C2orf80: variants seen among roughly 807,000 people sequenced by gnomAD.
C2orf80 encodes the protein chromosome 2 open reading frame 80.
C2orf80 carries 28 observed loss-of-function variants against 30.2 expected under a neutral mutation model. That is an observed-to-expected ratio of 0.93 (90% CI 0.69 to 1.27). The LOEUF is 1.27. Ranked by LOEUF, C2orf80 falls within the 50% of genes most tolerant of loss-of-function variation. C2orf80 has a pLI of 0.00. For missense variants in C2orf80, 220 were observed against 231.0 expected (o/e 0.95, Z 0.31); for synonymous variants, 80 against 76.4 (o/e 1.05, Z -0.24).
At chr2:208,180,680 C>T in intron 6 of C2orf80, 65 bp downstream of exon 6, 3 of 1,226,482 alleles carry the variant, frequency 2.4e-6, no homozygotes, top group Non-Finnish European at 3.5e-6. Context: ...CAACATTATA[C>T]ATTTATACAC....
At chr2:208,167,314 G>C (rs913967635) in intron 8 of C2orf80, among the ~76,000 whole-genome samples, 3 of 151,858 alleles carry the variant, frequency 2.0e-5, no homozygotes, top group African/African-American at 7.2e-5. Context: ...ACGAGGTCAG[G>C]AGTTCAAGAC....
intron 6 of C2orf80, among the ~76,000 whole-genome samples, chr2:208,172,696 C>T (rs1019794247): frequency 3.3e-5 from 5 of 152,148 alleles, no homozygotes; most frequent in African/African-American, 1.2e-4. Context: ...ATTGGTACAA[C>T]CATTTTGGAA....
intron 3 of C2orf80, among the ~76,000 whole-genome samples, chr2:208,183,412 T>C (rs12995271): frequency 0.27 from 41,236 of 151,936 alleles, 6,062 homozygotes; most frequent in African/African-American, 0.38. Flanking sequence ...CACGGAATAT[T>C]CTTAGGTGAG....
At chr2:208,173,604 G>A (rs1379058828) in intron 6 of C2orf80, among the ~76,000 whole-genome samples, 5 of 141,498 alleles carry the variant, frequency 3.5e-5, no homozygotes, top group African/African-American at 1.1e-4. Flanking sequence ...CAGCCTGGGC[G>A]AGAGAGCGAG....
chr2:208,188,986 T>C (rs1268669766), intron 1 of C2orf80, among the ~76,000 whole-genome samples: 1 of 152,202 alleles, frequency 6.6e-6, no homozygotes, highest in African/African-American at 2.4e-5. Context: ...CACTCATTGA[T>C]GTGGCTGTGC....
chr2:208,181,843 G>A (rs1696573170), intron 4 of C2orf80, among the ~76,000 whole-genome samples: 1 of 152,076 alleles, frequency 6.6e-6, no homozygotes, highest in Non-Finnish European at 1.5e-5. Flanking sequence ...ATAATGAAAT[G>A]GGCTGAAACT....
At chr2:208,180,077 A>T (rs1696505793) in intron 6 of C2orf80, among the ~76,000 whole-genome samples, 1 of 152,180 alleles carries the variant, frequency 6.6e-6, no homozygotes, top group Admixed American at 6.5e-5. Context: ...TCTAGAAGAT[A>T]TAGTACATCA....
chr2:208,171,997 G>C lies in C2orf80; in HGVS notation c.445C>G (p.Arg149Gly). Residue 149 changes from arginine (R) to glycine (G), a missense_variant, in exon 7 of 9, where the codon CGC becomes GGC. Coordinates refer to ENST00000341287, the MANE Select transcript of C2orf80 (RefSeq NM_001099334.3). ...AAGTAACCAGGCTTACTCTGTTTGC[G>C]GGCGTATGCTGCTGCTTTGGGTGCT... is the stretch of plus-strand genomic sequence containing the variant. Reference protein sequence around the residue: ...LTAPKAAAYARKQSVKSRKVT... With the variant: ...LTAPKAAAYAGKQSVKSRKVT... 1.2e-6 allele frequency: 2 copies of C among 1,613,516 alleles called. No homozygotes were observed. The highest frequency in any genetic ancestry group is 1.7e-6 in the Non-Finnish European group (2 of 1,179,490).
At position 208,172,944 on chromosome 2, in the gene C2orf80, C is replaced by T. The variant is rs1032462527; in HGVS notation, c.367-869G>A. ...CCAGCCTGGCCAACATGGCAAAACC[C>T]CGCCTCTACTAAAAATACAAAAAAA... On this transcript the variant is annotated intron_variant, in intron 6 of 8. Coordinates refer to ENST00000341287, the MANE Select transcript of C2orf80 (RefSeq NM_001099334.3). Among the ~76,000 whole-genome samples the T allele has an allele frequency of 3.3e-5, 5 of 151,812 alleles. No homozygotes were observed. The East Asian group carries it at 5.8e-4, about 18-fold the overall frequency.
chr2:208,183,748 G>A (rs1432826262), intron 3 of C2orf80, among the ~76,000 whole-genome samples: 1 of 152,134 alleles, frequency 6.6e-6, no homozygotes, highest in Non-Finnish European at 1.5e-5. Flanking sequence ...GGCGGGGAAG[G>A]GGGCAGACCT....
At chr2:208,185,725 A>C (rs1696699584) in intron 2 of C2orf80, among the ~76,000 whole-genome samples, 1 of 152,212 alleles carries the variant, frequency 6.6e-6, no homozygotes, top group South Asian at 2.1e-4. Flanking sequence ...AAGGTGGAGA[A>C]TAAGTTTATT....
intron 6 of C2orf80, among the ~76,000 whole-genome samples, chr2:208,173,755 C>A (rs1268968195): frequency 6.6e-6 from 1 of 152,088 alleles, no homozygotes; most frequent in African/African-American, 2.4e-5. Flanking sequence ...ATAATTCAAA[C>A]TAGTGGTAAC....
At chr2:208,182,335 A>T (rs1254970215) in intron 4 of C2orf80, among the ~76,000 whole-genome samples, 1 of 152,230 alleles carries the variant, frequency 6.6e-6, no homozygotes, top group Non-Finnish European at 1.5e-5. Flanking sequence ...AAAAGGTTAC[A>T]GTCTTTACCC....
intron 2 of C2orf80, among the ~76,000 whole-genome samples, chr2:208,186,384 T>G (rs767938518): frequency 2.0e-5 from 3 of 152,214 alleles, no homozygotes; most frequent in Non-Finnish European, 4.4e-5. Context: ...TTATATGGTT[T>G]GTGATCTTTC....
At chr2:208,174,546 G>C (rs371993513) in intron 6 of C2orf80, among the ~76,000 whole-genome samples, 3 of 152,200 alleles carry the variant, frequency 2.0e-5, no homozygotes, top group African/African-American at 7.2e-5. Flanking sequence ...TGCTCGATAC[G>C]TGCAGTCTCA....
intron 8 of C2orf80, 96 bp downstream of exon 8, chr2:208,170,849 C>T (rs569805961): frequency 1.8e-4 from 167 of 945,906 alleles, no homozygotes; most frequent in South Asian, 1.8e-3. Flanking sequence ...ACCCAGAGCA[C>T]CTGACTCCAA....
At chr2:208,176,199 G>A (rs370104587) in intron 6 of C2orf80, among the ~76,000 whole-genome samples, 9 of 151,494 alleles carry the variant, frequency 5.9e-5, no homozygotes, top group East Asian at 1.9e-4. Context: ...TTTTTGAGAC[G>A]GAGTCTCCCT....
At chr2:208,177,781 T>A (rs1283493245) in intron 6 of C2orf80, among the ~76,000 whole-genome samples, 1 of 152,028 alleles carries the variant, frequency 6.6e-6, no homozygotes, top group Non-Finnish European at 1.5e-5. Context: ...CTACATGGCC[T>A]GTCTTCCCCT....
intron 4 of C2orf80, 71 bp downstream of exon 4, chr2:208,182,894 G>T: frequency 8.2e-7 from 1 of 1,225,008 alleles, no homozygotes; most frequent in Non-Finnish European, 1.2e-6. Flanking sequence ...AGATGTTAGG[G>T]CTGGAACTTC....
Sources: gnomAD v4.1 joint callset for allele counts (sites outside exome capture counted in the v4.1 genomes callset) on GRCh38, gnomAD v4.1.1 for gene constraint, MANE v1.5 for transcripts, NCBI Gene and HGNC (gene_info 2026-07-23, HGNC 2026-07-21) for gene names.